GRID2: variants seen among roughly 807,000 people sequenced by gnomAD.
GRID2 encodes glutamate receptor ionotropic, delta-2.
In GRID2, 33 loss-of-function variants were observed where a neutral mutation model predicts 114.8. The ratio of observed to expected loss-of-function variants is 0.29; its 90% CI spans 0.22 to 0.38. The LOEUF is 0.38. Ranked by LOEUF, GRID2 falls within the 10% of genes least tolerant of loss-of-function variation. The pLI is 1.00. For missense variants in GRID2, 1,184 were observed against 1,257.7 expected, an observed-to-expected ratio of 0.94 and a Z score of 0.89; for synonymous variants, 505 against 449.9, an observed-to-expected ratio of 1.12 and a Z score of -1.55.
intron 1 of GRID2, among the ~76,000 whole-genome samples, chr4:92,396,836 T>G (rs1730513332): frequency 6.6e-6 from 1 of 152,018 alleles, no homozygotes; most frequent in South Asian, 2.1e-4. Flanking sequence ...AAATAAGAAA[T>G]TCCAATATAG....
chr4:92,828,062 A>AGGC (rs1741851956), intron 2 of GRID2, among the ~76,000 whole-genome samples: 1 of 152,056 alleles, frequency 6.6e-6, no homozygotes, highest in South Asian at 2.1e-4. Flanking sequence ...CTTGACTTCA[A>AGGC]TCTCCAACTA....
At chr4:92,857,846 A>G (rs531530824) in intron 2 of GRID2, among the ~76,000 whole-genome samples, 2 of 152,338 alleles carry the variant, frequency 1.3e-5, no homozygotes, top group South Asian at 4.1e-4. Flanking sequence ...ACCTTCAAAG[A>G]ACAGGCTGAC....
chr4:92,429,547 T>C (rs1194719708), intron 1 of GRID2, among the ~76,000 whole-genome samples: 4 of 152,178 alleles, frequency 2.6e-5, no homozygotes, highest in African/African-American at 9.6e-5. Context: ...GTGAATAGTG[T>C]TACAATAAAT....
intron 2 of GRID2, among the ~76,000 whole-genome samples, chr4:92,877,072 A>G (rs1234384295): frequency 6.6e-6 from 1 of 152,228 alleles, no homozygotes. Context: ...TAAGAAACAA[A>G]ACAAATTTTT....
At chr4:92,410,739 G>C (rs1389266690) in intron 1 of GRID2, among the ~76,000 whole-genome samples, 1 of 151,234 alleles carries the variant, frequency 6.6e-6, no homozygotes, top group East Asian at 2.0e-4. Context: ...CTTGGGGGCA[G>C]ATATTTTTCA....
At chr4:93,423,279 TAC>T (rs1768484405) in intron 10 of GRID2, among the ~76,000 whole-genome samples, 1 of 151,542 alleles carries the variant, frequency 6.6e-6, no homozygotes. Flanking sequence ...GTGTATATGA[TAC>T]GTGATGAAAT....
chr4:92,314,209 G>A (rs142253088), intron 1 of GRID2, among the ~76,000 whole-genome samples: 2,789 of 151,894 alleles, frequency 0.018, 49 homozygotes, highest in Non-Finnish European at 0.026. Flanking sequence ...TTCCCAGATT[G>A]CCATTCAAAT....
rs755906601 is a variant in GRID2 at position 93,772,373 on chromosome 4, C to T, written c.2899C>T (p.His967Tyr). 1.2e-6 allele frequency: 2 copies of T among 1,613,998 alleles called. No individual in the cohort carries two copies. Among genetic ancestry groups the T allele is most frequent in the Admixed American group, 1.7e-5 (1 of 59,996 alleles). The stretch of plus-strand genomic sequence containing the variant: ...TGAGCACCGAACTGGCCCTTTTAGG[C>T]ACAGGGCACCTAATGGGGGCTTTTT... ...VPEHRTGPFR[H>Y]RAPNGGFFRS... is the part of the protein sequence containing the mutation. Residue 967 changes from histidine to tyrosine, a missense_variant, in exon 16 of 16, where the codon CAC becomes TAC. His to Tyr is a moderately conservative substitution (Grantham distance 83). Transcript: ENST00000282020.
chr4:93,439,525 C>G (rs1251674387), intron 10 of GRID2, among the ~76,000 whole-genome samples: 4 of 151,902 alleles, frequency 2.6e-5, no homozygotes, highest in Admixed American at 2.6e-4. Context: ...CATCTGGAAC[C>G]CAAGTGAATA....
chr4:92,807,213 T>C (rs562701490), intron 2 of GRID2, among the ~76,000 whole-genome samples: 2 of 152,124 alleles, frequency 1.3e-5, no homozygotes, highest in South Asian at 2.1e-4. Context: ...TTAAATTGAG[T>C]ATTTAAATTT....
intron 1 of GRID2, among the ~76,000 whole-genome samples, chr4:92,578,666 A>T (rs960148523): frequency 3.9e-5 from 6 of 152,102 alleles, no homozygotes; most frequent in African/African-American, 1.4e-4. Context: ...GCTTGAGTTC[A>T]GAAGTTCAAG....
rs1747154860 is a variant in GRID2, at chr4:93,239,089, G to A, written c.1245+599G>A. ...ATACAAACGCCCTTATATAAATGAT[G>A]TTTCTATAATTCGGATTTGCTATAT... On this transcript the variant is annotated intron_variant, in intron 8 of 15. Transcript: ENST00000282020. 2.0e-5 allele frequency among the ~76,000 whole-genome samples: 3 copies of A among 148,392 alleles called. No homozygotes were observed. The South Asian group carries it at 6.3e-4, about 31-fold the overall frequency.
At chr4:93,081,069 A>G (rs1266758887) in intron 2 of GRID2, among the ~76,000 whole-genome samples, 1 of 152,158 alleles carries the variant, frequency 6.6e-6, no homozygotes, top group Non-Finnish European at 1.5e-5. Flanking sequence ...ACACCAACAC[A>G]TTGGGGATCG....
At chr4:92,621,863 G>C (rs557012144) in intron 2 of GRID2, among the ~76,000 whole-genome samples, 1 of 151,796 alleles carries the variant, frequency 6.6e-6, no homozygotes, top group East Asian at 1.9e-4. Context: ...GCTAGAGTTT[G>C]GTGAAACATG....
intron 1 of GRID2, among the ~76,000 whole-genome samples, chr4:93,789,055 T>C (rs563582157): frequency 1.3e-5 from 2 of 152,336 alleles, no homozygotes; most frequent in East Asian, 3.9e-4. Context: ...AATCTCTCTT[T>C]TCTTCATATC....
At chr4:93,696,578 A>C (rs1727038302) in intron 14 of GRID2, among the ~76,000 whole-genome samples, 1 of 152,110 alleles carries the variant, frequency 6.6e-6, no homozygotes, top group African/African-American at 2.4e-5. Flanking sequence ...TTATACTTTG[A>C]GTTTTAGGGT....
intron 9 of GRID2, among the ~76,000 whole-genome samples, chr4:93,407,834 C>T (rs1451012161): frequency 6.9e-6 from 1 of 144,254 alleles, no homozygotes; most frequent in Non-Finnish European, 1.5e-5. Context: ...TTCTCCTCCT[C>T]CTCCTCCTCC....
chr4:92,484,968 G>A (rs1011656318), intron 1 of GRID2, among the ~76,000 whole-genome samples: 1 of 151,670 alleles, frequency 6.6e-6, no homozygotes, highest in Non-Finnish European at 1.5e-5. Flanking sequence ...TTCATGTAGC[G>A]ATCTAATCAT....
At chr4:92,862,346 G>T (rs1277197317) in intron 2 of GRID2, among the ~76,000 whole-genome samples, 3 of 152,002 alleles carry the variant, frequency 2.0e-5, no homozygotes, top group Non-Finnish European at 4.4e-5. Context: ...ACTATAACGT[G>T]AAAATTCTAA....
Sources: gnomAD v4.1 joint callset for allele counts (sites outside exome capture counted in the v4.1 genomes callset) on GRCh38, gnomAD v4.1.1 for gene constraint, MANE v1.5 for transcripts, NCBI Gene and HGNC (gene_info 2026-07-23, HGNC 2026-07-21) for gene names.